Variants in CRMP1 observed in about 807,000 individuals in gnomAD.
The protein encoded by CRMP1 is dihydropyrimidinase-related protein 1.
In CRMP1, 19 loss-of-function variants were observed where a neutral mutation model predicts 68.3. That is an observed-to-expected ratio of 0.28 (90% confidence interval 0.19 to 0.41). The LOEUF is 0.41. Among genes scored for constraint, CRMP1 ranks in the 10% least tolerant of loss-of-function variants. The probability of loss-of-function intolerance (pLI) is 1.00; values close to 1 mark genes in which losing one functional copy is unlikely to be tolerated. For missense variants in CRMP1, 791 were observed against 967.4 expected (o/e 0.82, Z 2.42); for synonymous variants, 439 against 399.6 (o/e 1.10, Z -1.18).
At chr4:5,849,510 A>T in intron 5 of CRMP1, 38 bp from the exon 6 acceptor site, 1 of 1,377,268 alleles carries the variant, frequency 7.3e-7, no homozygotes, top group Non-Finnish European at 1.0e-6. Flanking sequence ...TGAGATTTAA[A>T]AAAAAAAAAA....
Position 5,869,696 on chromosome 4 carries a change from A to G in CRMP1, c.382-2940T>C, listed in dbSNP as rs561296436. On this transcript the variant is annotated intron_variant, in intron 1 of 13. Coordinates refer to ENST00000324989, the MANE Select transcript of CRMP1 (RefSeq NM_001014809.3). ...AAGACTCCGTCAAAAAAAAAAAAAA[A>G]AAAAAGAAAAAGAAAAGAAGTAAAC... 2.8e-3 allele frequency among the ~76,000 whole-genome samples: 413 copies of G among 150,074 alleles called. 1 individual carries two copies. Among genetic ancestry groups the G allele is most frequent in the African/African-American group, 7.5e-3 (306 of 40,816 alleles).
chr4:5,857,251 A>T (rs543425969), intron 3 of CRMP1, among the ~76,000 whole-genome samples: 1 of 151,606 alleles, frequency 6.6e-6, no homozygotes, highest in Non-Finnish European at 1.5e-5. Context: ...CATCATCATC[A>T]TCACTATCAT....
chr4:5,825,391 A>T lies in CRMP1; in HGVS notation c.1969+103T>A, dbSNP rs902648208. On this transcript the variant is annotated intron_variant, in intron 13 of 13. Coordinates refer to ENST00000324989, the MANE Select transcript of CRMP1 (RefSeq NM_001014809.3). The surrounding 1 kb of genome is among the most constrained non-coding windows in gnomAD (Gnocchi z 4.4). ...GGCACACTCCCTTCCCTGCTTCTTC[A>T]TCTAGTGTCCAAGGCCACGTGTCCA... 16 of 1,469,222 alleles carry T rather than the reference A, an allele frequency of 1.1e-5. No individual in the cohort carries two copies. In the East Asian group the frequency reaches 1.8e-4, roughly 17 times the overall value. The allele number at this position is 1,469,222 out of a possible 1,614,324, so 91.0% of individuals were successfully genotyped here. A position where few individuals can be genotyped will look rare whatever the true frequency, so the allele number is the denominator to read the frequency against.
In CRMP1 at chr4:5,863,115, C is replaced by CTTTTT. The variant is rs35515710; in HGVS notation, c.471-1910_471-1906dup. Among the ~76,000 whole-genome samples the CTTTTT allele has an allele frequency of 2.3e-4, 32 of 140,096 alleles. 1 individual carries two copies. The highest frequency in any genetic ancestry group is 3.8e-4 in the Non-Finnish European group (25 of 65,056). The allele number at this position is 140,096 out of a possible 152,430, so 91.9% of individuals were successfully genotyped here. ...ATGCCTGACCTTTTTTCTTTTTTTC[C>CTTTTT]TTTTTTTTTTTTTTTAAAGAAACAG... On this transcript the variant is annotated intron_variant, in intron 2 of 13. Coordinates refer to ENST00000324989, the MANE Select transcript of CRMP1 (RefSeq NM_001014809.3).
chr4:5,869,984 G>A (rs774068662), intron 1 of CRMP1, among the ~76,000 whole-genome samples: 1 of 152,204 alleles, frequency 6.6e-6, no homozygotes, highest in Non-Finnish European at 1.5e-5. Context: ...TATGGCATCA[G>A]CCACAATGGC....
chr4:5,828,089 G>A (rs749639349), intron 12 of CRMP1: 88 of 985,422 alleles, frequency 8.9e-5, no homozygotes, highest in East Asian at 2.3e-4. Context: ...GGCCAGACCC[G>A]AGGGTTTCTG....
intron 6 of CRMP1, among the ~76,000 whole-genome samples, chr4:5,847,713 CT>C (rs1160306600): frequency 6.6e-6 from 1 of 152,242 alleles, no homozygotes. Flanking sequence ...CCACTGCGCT[CT>C]GGAACTAGAG....
At position 5,855,363 on chromosome 4, in the gene CRMP1, G is replaced by T. The variant is rs536774629; in HGVS notation, c.820+780C>A. Among the ~76,000 whole-genome samples the T allele has an allele frequency of 2.1e-4, 32 of 152,320 alleles. No homozygotes were observed. Among genetic ancestry groups the T allele is most frequent in the Non-Finnish European group, 4.4e-4 (30 of 68,032 alleles). ...CCTTGAAGCACCACCATTTGAGGCT[G>T]CCTCCTCAGAGGGCTCCCCGACTGC... On this transcript the variant is annotated intron_variant, in intron 4 of 13. Transcript: ENST00000324989. This position sits in a 1 kb window ranked among gnomAD's most constrained non-coding sequence, Gnocchi z 4.9.
intron 1 of CRMP1, among the ~76,000 whole-genome samples, chr4:5,868,957 TTTTC>T (rs1296736433): frequency 6.6e-6 from 1 of 152,118 alleles, no homozygotes; most frequent in Non-Finnish European, 1.5e-5. Context: ...TCCTTTTCTT[TTTTC>T]TTTTTTTCGA....
In CRMP1 at chr4:5,865,320, G is replaced by A. The variant is rs145638180; in HGVS notation, c.470+1348C>T. 4.6e-5 allele frequency among the ~76,000 whole-genome samples: 7 copies of A among 152,076 alleles called. No individual in the cohort carries two copies. Among genetic ancestry groups the A allele is most frequent in the South Asian group, 2.1e-4 (1 of 4,798 alleles). ...AAGAGAACTGCCCTGATCCTCACCCGCCAGTAAAATGTTAAGGCCAGCCAG... is the reference window on the plus strand; with the variant it reads ...AAGAGAACTGCCCTGATCCTCACCCACCAGTAAAATGTTAAGGCCAGCCAG... On this transcript the variant is annotated intron_variant, in intron 2 of 13. Coordinates refer to ENST00000324989, the MANE Select transcript of CRMP1 (RefSeq NM_001014809.3). This position sits in a 1 kb window ranked among gnomAD's most constrained non-coding sequence, Gnocchi z 4.1.
rs1720364788 is a variant in CRMP1 at position 5,831,263 on chromosome 4, T to C, written c.1624-2595A>G. On this transcript the variant is annotated intron_variant, in intron 11 of 13. Coordinates refer to ENST00000324989, the MANE Select transcript of CRMP1 (RefSeq NM_001014809.3). ...CGCCAGGCCAAGTCTTTAGTTTTTA[T>C]TGCTATTACAGGATTTTGATTTCCA... Among the ~76,000 whole-genome samples the C allele has an allele frequency of 2.0e-5, 3 of 152,312 alleles. No individual in the cohort carries two copies. The South Asian group carries it at 6.2e-4, about 32-fold the overall frequency.
intron 1 of CRMP1, among the ~76,000 whole-genome samples, chr4:5,874,548 T>C (rs968219182): frequency 6.6e-6 from 1 of 152,112 alleles, no homozygotes; most frequent in African/African-American, 2.4e-5. Flanking sequence ...GTATTTCATC[T>C]CTATATCCTC....
At chr4:5,851,850 G>A (rs1343356698) in intron 4 of CRMP1, among the ~76,000 whole-genome samples, 1 of 150,792 alleles carries the variant, frequency 6.6e-6, no homozygotes, top group Non-Finnish European at 1.5e-5. Flanking sequence ...GGAGGAGGAG[G>A]AGGAAGAGGA....
Position 5,866,098 on chromosome 4 carries a change from C to G in CRMP1, c.470+570G>C, listed in dbSNP as rs548048446. Among the ~76,000 whole-genome samples, 11 of 152,292 alleles carry G rather than the reference C, an allele frequency of 7.2e-5. No homozygotes were observed. The highest frequency in any genetic ancestry group is 2.6e-4 in the African/African-American group (11 of 41,568). On this transcript the variant is annotated intron_variant, in intron 2 of 13. Coordinates refer to ENST00000324989, the MANE Select transcript of CRMP1 (RefSeq NM_001014809.3). The surrounding 1 kb of genome is among the most constrained non-coding windows in gnomAD (Gnocchi z 5.9). ...CGGCAGCCAGCGCTGGCTAAGACAC[C>G]TGGGTTGTCATAAGCAGGGCTGAAG...
rs1713323293 is a variant in CRMP1 at position 5,858,738 on chromosome 4, T to A, written c.655+2288A>T. ...ACCTCAACATTGCCCATCACCCATA[T>A]GAGAAAGAGCCACAGCCTCATCAGG... On this transcript the variant is annotated intron_variant, in intron 3 of 13. Coordinates refer to ENST00000324989, the MANE Select transcript of CRMP1 (RefSeq NM_001014809.3). The surrounding 1 kb of genome is among the most constrained non-coding windows in gnomAD (Gnocchi z 5.5). Among the ~76,000 whole-genome samples the A allele has an allele frequency of 6.6e-6, 1 of 152,168 alleles. No individual in the cohort carries two copies. Among genetic ancestry groups the A allele is most frequent in the South Asian group, 2.1e-4 (1 of 4,826 alleles).
rs1267395066 is a variant in CRMP1 at position 5,843,766 on chromosome 4, C to T, written c.964-605G>A. ...GCTCAGCACAAAACCTGGAGCTGAG[C>T]GAGCACACGCTCATTAATTGGCAGC... On this transcript the variant is annotated intron_variant, in intron 6 of 13. Transcript: ENST00000324989. This position sits in a 1 kb window ranked among gnomAD's most constrained non-coding sequence, Gnocchi z 4.1. Among the ~76,000 whole-genome samples the T allele has an allele frequency of 2.6e-5, 4 of 152,254 alleles. No individual in the cohort carries two copies. The East Asian group carries it at 7.7e-4, about 29-fold the overall frequency.
chr4:5,887,873 G>C (rs866503596), intron 1 of CRMP1: 2 of 942,550 alleles, frequency 2.1e-6, no homozygotes, highest in South Asian at 5.0e-5. Flanking sequence ...ACCCCCGCGC[G>C]AGGCCTGCGG....
chr4:5,882,635 G>A (rs1480974356), intron 1 of CRMP1, among the ~76,000 whole-genome samples: 1 of 152,198 alleles, frequency 6.6e-6, no homozygotes, highest in Non-Finnish European at 1.5e-5. Flanking sequence ...TGCATAGAAA[G>A]AATAAGTGAC....
chr4:5,827,618 G>GCGCACACACACACACTCCAACACA (rs1719848764), intron 12 of CRMP1, among the ~76,000 whole-genome samples: 2 of 151,534 alleles, frequency 1.3e-5, no homozygotes, highest in Non-Finnish European at 2.9e-5. Context: ...ATACACACAC[G>GCGCACACACACACACTCCAACACA]CGCACACACA....
Sources: gnomAD v4.1 joint callset for allele counts (sites outside exome capture counted in the v4.1 genomes callset) on GRCh38, gnomAD v4.1.1 for gene constraint, Gnocchi (gnomAD v3.1) non-coding constraint, MANE v1.5 for transcripts, NCBI Gene and HGNC (gene_info 2026-07-23, HGNC 2026-07-21) for gene names.